IMPA2: variants seen among roughly 807,000 people sequenced by gnomAD.
The protein encoded by IMPA2 is inositol monophosphatase 2.
A neutral mutation model predicts 35.1 loss-of-function variants in IMPA2; 32 were observed. That is an observed-to-expected ratio of 0.91 (90% confidence interval 0.69 to 1.23). The LOEUF is 1.23. Ranked by LOEUF, IMPA2 falls within the 50% of genes most tolerant of loss-of-function variation. The pLI is 0.00. For synonymous variants in IMPA2, 135 were observed against 160.6 expected, an observed-to-expected ratio of 0.84 and a Z score of 1.20; for missense variants, 334 against 387.6, an observed-to-expected ratio of 0.86 and a Z score of 1.16.
chr18:12,005,453 C>G (rs987807240), intron 2 of IMPA2, among the ~76,000 whole-genome samples: 2 of 151,554 alleles, frequency 1.3e-5, no homozygotes, highest in Admixed American at 6.6e-5. Context: ...CCACTGCACT[C>G]CAGCCTGGCT....
chr18:12,014,202 G>GT, intron 4 of IMPA2, 63 bp from the exon 5 acceptor site: 2 of 1,158,802 alleles, frequency 1.7e-6, no homozygotes, highest in Non-Finnish European at 2.6e-6. Context: ...GAATAACAAT[G>GT]TTTTTTCCCA....
intron 3 of IMPA2, among the ~76,000 whole-genome samples, chr18:12,011,461 G>A (rs1005087509): frequency 2.6e-5 from 4 of 152,222 alleles, no homozygotes; most frequent in South Asian, 2.1e-4. Context: ...GGAAGCCAGC[G>A]GCTCATCCCA....
At chr18:12,017,018 C>G in intron 5 of IMPA2, among the ~76,000 whole-genome samples, 1 of 152,192 alleles carries the variant, frequency 6.6e-6, no homozygotes, top group East Asian at 1.9e-4. Context: ...TAATCTCTCT[C>G]TCTTTCTCCC....
Position 12,028,148 on chromosome 18 carries a change from A to G in IMPA2, c.596A>G (p.His199Arg), listed in dbSNP as rs747973494. The change falls in exon 6 of 8, where the codon CAT (histidine) becomes CGT (arginine). Residue 199 changes from histidine to arginine, a missense_variant. Physicochemically the swap from His to Arg is conservative, Grantham distance 29 (BLOSUM62 0). Transcript: ENST00000269159. ...GAGCGGCTGCTGCATGCCAAGGCGC[A>G]TGGGTAGGAGGTTCAGTTCGGGGAA... Reference protein sequence around the residue: ...NMERLLHAKAHGVRVIGSSTL... With the variant: ...NMERLLHAKARGVRVIGSSTL... 4 of 1,606,000 alleles carry G rather than the reference A, an allele frequency of 2.5e-6. No homozygotes were observed. The highest frequency in any genetic ancestry group is 3.3e-5 in the Admixed American group (2 of 59,996).
chr18:12,018,074 G>A (rs138556250), intron 5 of IMPA2: 3,610 of 156,142 alleles, frequency 0.023, 145 homozygotes, highest in African/African-American at 0.078. Context: ...CCAAGTAGCT[G>A]GGATTACAGG....
intron 1 of IMPA2, among the ~76,000 whole-genome samples, chr18:11,987,550 A>G (rs1192968045): frequency 6.6e-6 from 1 of 152,058 alleles, no homozygotes; most frequent in Non-Finnish European, 1.5e-5. Context: ...AGGCTGATCT[A>G]GAACTCCTGA....
In IMPA2 at chr18:12,028,827, C is replaced by G; in HGVS notation, c.600-15C>G. 1 of 1,613,012 alleles carries G rather than the reference C, an allele frequency of 6.2e-7. No individual in the cohort carries two copies. Among genetic ancestry groups the G allele is most frequent in the Non-Finnish European group, 8.5e-7 (1 of 1,179,504 alleles). On this transcript the variant is annotated splice_polypyrimidine_tract_variant and intron_variant, in intron 6 of 7. Transcript: ENST00000269159. ...CCACTCCCGCCTGCATCTGTCCTCC[C>G]TTCCCTCTCCCCAGGGTCCGAGTGA...
intron 5 of IMPA2, among the ~76,000 whole-genome samples, chr18:12,025,824 C>T (rs907457879): frequency 2.6e-5 from 4 of 152,154 alleles, no homozygotes; most frequent in African/African-American, 9.7e-5. Context: ...CCCGCCTCAG[C>T]CTCCCAAAGT....
At chr18:12,023,587 G>A (rs1274016697) in intron 5 of IMPA2, among the ~76,000 whole-genome samples, 1 of 152,190 alleles carries the variant, frequency 6.6e-6, no homozygotes, top group Non-Finnish European at 1.5e-5. Flanking sequence ...CACCCGCCCT[G>A]TGCTCATCTC....
intron 2 of IMPA2, among the ~76,000 whole-genome samples, chr18:12,002,903 A>T (rs1439162223): frequency 6.6e-6 from 1 of 152,078 alleles, no homozygotes; most frequent in African/African-American, 2.4e-5. Flanking sequence ...AAAACAAAAA[A>T]ATAAATAGGC....
chr18:11,989,691 C>G (rs1196268052), intron 1 of IMPA2, among the ~76,000 whole-genome samples: 2 of 152,204 alleles, frequency 1.3e-5, no homozygotes, highest in African/African-American at 4.8e-5. Context: ...GCCCTTGGCA[C>G]TCCAGGGTGC....
intron 1 of IMPA2, among the ~76,000 whole-genome samples, chr18:11,994,529 G>A (rs559045914): frequency 2.0e-4 from 30 of 152,242 alleles, no homozygotes; most frequent in African/African-American, 6.0e-4. Context: ...CCCAGCACCC[G>A]CCTCCTCCAC....
At chr18:12,027,451 A>G (rs613259) in intron 5 of IMPA2, among the ~76,000 whole-genome samples, 1 of 151,210 alleles carries the variant, frequency 6.6e-6, no homozygotes, top group East Asian at 1.9e-4. Flanking sequence ...AGAAAATGGT[A>G]TTTCTATCGT....
intron 5 of IMPA2, among the ~76,000 whole-genome samples, chr18:12,024,366 C>T (rs901878727): frequency 6.6e-6 from 1 of 151,536 alleles, no homozygotes; most frequent in East Asian, 1.9e-4. Context: ...CACCTGTAAT[C>T]CCCGCTACTT....
chr18:12,007,086 C>T (rs1008789068), intron 2 of IMPA2, among the ~76,000 whole-genome samples: 2 of 152,002 alleles, frequency 1.3e-5, no homozygotes, highest in Non-Finnish European at 1.5e-5. Context: ...GCTGAGATCG[C>T]GCCATTGCAC....
At chr18:12,019,985 C>T (rs934645213) in intron 5 of IMPA2, among the ~76,000 whole-genome samples, 2 of 152,180 alleles carry the variant, frequency 1.3e-5, no homozygotes, top group African/African-American at 2.4e-5. Context: ...AAGCAATTCT[C>T]CTGCCTCAGT....
rs546301451 is a variant in IMPA2 at position 12,030,400 on chromosome 18, C to T, written c.809C>T (p.Ala270Val). The T allele has an allele frequency of 5.0e-6, 8 of 1,614,204 alleles. No individual in the cohort carries two copies. The Admixed American group carries it at 5.0e-5, about 10-fold the overall frequency. Reference sequence around the variant, plus strand: ...GTTGCGGCCAGCACCCGGGAGATGGCGATGCTCATAGCTCAGGCCTTACAG... The same window carrying T: ...GTTGCGGCCAGCACCCGGGAGATGGTGATGCTCATAGCTCAGGCCTTACAG... Reference protein sequence around the residue: ...RVVAASTREMAMLIAQALQTI... With the variant: ...RVVAASTREMVMLIAQALQTI... Residue 270 changes from alanine to valine, a missense_variant, in exon 8 of 8, where the codon GCG becomes GTG. Transcript: ENST00000269159.
chr18:12,008,652 TG>T (rs1440898635), intron 2 of IMPA2: 17 of 432,022 alleles, frequency 3.9e-5, no homozygotes, highest in Non-Finnish European at 6.5e-5. Flanking sequence ...TGCGTGTGGG[TG>T]GGGTGCAGGA....
chr18:11,994,426 A>G (rs774851769), intron 1 of IMPA2: 3 of 152,152 alleles, frequency 2.0e-5, no homozygotes, highest in African/African-American at 7.2e-5. Context: ...CTGCCTCTGA[A>G]TCCACTCTTC....
Sources: gnomAD v4.1 joint callset for allele counts (sites outside exome capture counted in the v4.1 genomes callset) on GRCh38, gnomAD v4.1.1 for gene constraint, MANE v1.5 for transcripts, NCBI Gene and HGNC (gene_info 2026-07-23, HGNC 2026-07-21) for gene names.